The following SYBU variants were observed in gnomAD, a reference collection of about 807,000 sequenced individuals.
SYBU encodes syntabulin.
SYBU carries 21 observed loss-of-function variants against 35.9 expected under a neutral mutation model. The observed-to-expected ratio is 0.58, with a 90% CI of 0.41 to 0.84. The LOEUF is 0.84. Among genes scored for constraint, SYBU ranks in the 40% least tolerant of loss-of-function variants. The pLI, the probability that SYBU is intolerant of heterozygous loss-of-function variation, is 0.00. For missense variants in SYBU, 768 were observed against 848.2 expected (o/e 0.91, Z 1.17); for synonymous variants, 319 against 324.3 (o/e 0.98, Z 0.18).
chr8:109,608,274 A>G (rs1218690311), intron 3 of SYBU, among the ~76,000 whole-genome samples: 3 of 152,248 alleles, frequency 2.0e-5, no homozygotes, highest in African/African-American at 7.2e-5. Context: ...ACAACAGTCA[A>G]GATGAATCCT....
intron 3 of SYBU, among the ~76,000 whole-genome samples, chr8:109,605,118 G>T (rs1311882886): frequency 6.6e-6 from 1 of 152,088 alleles, no homozygotes; most frequent in African/African-American, 2.4e-5. Context: ...GATATGACCC[G>T]AATATCATGA....
At chr8:109,640,009 C>A (rs1282730673) in intron 2 of SYBU, among the ~76,000 whole-genome samples, 1 of 152,138 alleles carries the variant, frequency 6.6e-6, no homozygotes, top group Admixed American at 6.5e-5. Context: ...TAGACTCAAA[C>A]CTTGGGGAAC....
chr8:109,668,736 A>T (rs1378262189), intron 1 of SYBU, among the ~76,000 whole-genome samples: 1 of 152,210 alleles, frequency 6.6e-6, no homozygotes, highest in Non-Finnish European at 1.5e-5. Context: ...GAGGGTGAAC[A>T]CTGGATGGCA....
At chr8:109,689,853 A>C (rs943558262) in intron 1 of SYBU, among the ~76,000 whole-genome samples, 2 of 149,682 alleles carry the variant, frequency 1.3e-5, no homozygotes, top group African/African-American at 5.0e-5. Context: ...AAAAAAAAAA[A>C]AACCATGACT....
At chr8:109,593,256 A>G (rs1460529830) in intron 3 of SYBU, among the ~76,000 whole-genome samples, 1 of 152,208 alleles carries the variant, frequency 6.6e-6, no homozygotes, top group African/African-American at 2.4e-5. Context: ...GTTCTGTCAA[A>G]TTGCAAGAGC....
At chr8:109,676,671 A>G (rs1817202346) in intron 1 of SYBU, among the ~76,000 whole-genome samples, 1 of 152,226 alleles carries the variant, frequency 6.6e-6, no homozygotes, top group Admixed American at 6.5e-5. Context: ...GTATAGCATC[A>G]GGTTTCTTGT....
Position 109,577,912 on chromosome 8 carries a change from G to A in SYBU, c.840C>T (p.His280=). The change falls in exon 6 of 7, where the codon CAC becomes CAT. Residue 280 remains histidine (H), a synonymous_variant. Coordinates refer to ENST00000276646, the MANE Select transcript of SYBU (RefSeq NM_001099754.2). ...CAGATTCCTTCAGCTTGGTTTTGAG[G>A]TGTCTCACTGTCACCTCTTTCTGCT... ...PLQQKEVTVR[H]LKTKLKESER... 6.2e-7 allele frequency: 1 copy of A among 1,613,772 alleles called. No homozygotes were observed. The highest frequency in any genetic ancestry group is 1.1e-5 in the South Asian group (1 of 90,970).
At chr8:109,613,942 A>C (rs565277894) in intron 3 of SYBU, among the ~76,000 whole-genome samples, 1 of 152,224 alleles carries the variant, frequency 6.6e-6, no homozygotes, top group Non-Finnish European at 1.5e-5. Flanking sequence ...CTCCAATTTC[A>C]GTAGCAGGGG....
At chr8:109,658,637 G>A (rs1480426361) in intron 1 of SYBU, among the ~76,000 whole-genome samples, 1 of 151,816 alleles carries the variant, frequency 6.6e-6, no homozygotes, top group East Asian at 1.9e-4. Context: ...TTACATCCAC[G>A]CTAAGCTCTG....
chr8:109,611,990 G>A (rs758594712), intron 3 of SYBU, among the ~76,000 whole-genome samples: 45 of 152,226 alleles, frequency 3.0e-4, no homozygotes, highest in Admixed American at 3.9e-4. Context: ...ATATCAACAC[G>A]TCTTTCTTAA....
chr8:109,595,671 TACA>T (rs1469194293), intron 3 of SYBU, among the ~76,000 whole-genome samples: 3 of 152,328 alleles, frequency 2.0e-5, no homozygotes, highest in South Asian at 2.1e-4. Flanking sequence ...TGAAGCCATT[TACA>T]ACAATTCAGG....
At chr8:109,580,085 A>AGTAAG in intron 4 of SYBU, 83 bp from the exon 5 acceptor site, 1 of 1,326,182 alleles carries the variant, frequency 7.5e-7, no homozygotes, top group Non-Finnish European at 1.1e-6. Context: ...AAATCTAAGG[A>AGTAAG]AATCCAATTT....
At chr8:109,639,238 T>C (rs73319180) in intron 2 of SYBU, among the ~76,000 whole-genome samples, 3,901 of 152,336 alleles carry the variant, frequency 0.026, 167 homozygotes, top group African/African-American at 0.088. Context: ...TGAATTTTTG[T>C]TTCATTACAA....
intron 3 of SYBU, among the ~76,000 whole-genome samples, chr8:109,600,011 T>C (rs758564418): frequency 6.6e-6 from 1 of 152,230 alleles, no homozygotes; most frequent in Non-Finnish European, 1.5e-5. Context: ...CCTTGAGCTT[T>C]ACTTCCTTCA....
intron 3 of SYBU, among the ~76,000 whole-genome samples, chr8:109,587,601 A>G (rs1284794450): frequency 6.6e-6 from 1 of 152,214 alleles, no homozygotes; most frequent in Non-Finnish European, 1.5e-5. Flanking sequence ...ACTCTGGCCT[A>G]CTAGGGAACA....
At position 109,642,922 on chromosome 8, in the gene SYBU, CTG is replaced by C. The variant is rs1815085580; in HGVS notation, c.33_34del (p.His11GlnfsTer6). On this transcript the variant is annotated frameshift_variant, in exon 2 of 7. Coordinates refer to ENST00000276646, the MANE Select transcript of SYBU (RefSeq NM_001099754.2). LOFTEE classifies it high-confidence loss of function. ...AATCTCCTTGTCATGATGCTGCACTCTGTGCTCCTTCTCAAAATTGGACATCA... is the reference window on the plus strand; with the variant it reads ...AATCTCCTTGTCATGATGCTGCACTCTGCTCCTTCTCAAAATTGGACATCA... 1 of 1,507,164 alleles carries C rather than the reference CTG, an allele frequency of 6.6e-7. No individual in the cohort carries two copies. Among genetic ancestry groups the C allele is most frequent in the Non-Finnish European group, 8.9e-7 (1 of 1,124,470 alleles). 93.4% of individuals were successfully genotyped at this position (1,507,164 alleles called of 1,614,324 possible). A position where few individuals can be genotyped will look rare whatever the true frequency, so the allele number is the denominator to read the frequency against.
At chr8:109,645,625 C>A (rs373170472), upstream of SYBU, 3,957 of 246,590 alleles carry the variant, frequency 0.016, 243 homozygotes, top group African/African-American at 0.11. Flanking sequence ...GTTGTTGTTT[C>A]GTTTTTTGTT....
At chr8:109,576,394 C>T (rs1453891105) in intron 6 of SYBU, among the ~76,000 whole-genome samples, 1 of 152,208 alleles carries the variant, frequency 6.6e-6, no homozygotes, top group Non-Finnish European at 1.5e-5. Flanking sequence ...GTCTTATCTT[C>T]TACTCAATCC....
chr8:109,642,943 G>A lies in SYBU; in HGVS notation c.25-11C>T. 1 of 1,451,380 alleles carries A rather than the reference G, an allele frequency of 6.9e-7. No homozygotes were observed. The highest frequency in any genetic ancestry group is 9.1e-7 in the Non-Finnish European group (1 of 1,095,296). 89.9% of individuals were successfully genotyped at this position (1,451,380 alleles called of 1,614,324 possible). A position where few individuals can be genotyped will look rare whatever the true frequency, so the allele number is the denominator to read the frequency against. On this transcript the variant is annotated splice_polypyrimidine_tract_variant and intron_variant, in intron 1 of 6. Transcript: ENST00000276646. ...CACTCTGTGCTCCTTCTCAAAATTG[G>A]ACATCAAAAAAGAAAACAAAAGGAA...
Sources: allele counts gnomAD v4.1 joint callset (sites outside exome capture counted in the v4.1 genomes callset), GRCh38; gene constraint gnomAD v4.1.1; transcripts MANE v1.5; gene names NCBI Gene and HGNC (gene_info 2026-07-23, HGNC 2026-07-21).